The following UBE2G1 variants were observed in gnomAD, a reference collection of about 807,000 sequenced individuals.
UBE2G1 encodes ubiquitin conjugating enzyme E2 G1.
In UBE2G1, 5 loss-of-function variants were observed where a neutral mutation model predicts 22.7. That is an observed-to-expected ratio of 0.22 (90% CI 0.12 to 0.46). The LOEUF is 0.46. UBE2G1 is among the 20% of genes least tolerant of loss of function. The pLI is 0.99. For missense variants in UBE2G1, 88 were observed against 203.9 expected (o/e 0.43, Z 3.46); for synonymous variants, 74 against 67.5 (o/e 1.10, Z -0.47).
At chr17:4,303,195 T>C (rs1161668211) in intron 2 of UBE2G1, among the ~76,000 whole-genome samples, 1 of 152,208 alleles carries the variant, frequency 6.6e-6, no homozygotes, top group Non-Finnish European at 1.5e-5. Flanking sequence ...ACTATGTGGT[T>C]ATGTGGACTG....
At position 4,307,703 on chromosome 17, in the gene UBE2G1, G is replaced by T. The variant is rs1598188366; in HGVS notation, c.47-580C>A. On this transcript the variant is annotated intron_variant, in intron 1 of 5. Coordinates refer to ENST00000396981, the MANE Select transcript of UBE2G1 (RefSeq NM_003342.5). The stretch of plus-strand genomic sequence containing the variant: ...GGCCCCATATGTCTTGTCTGTATAT[G>T]TCGACCCTCTGAGAGCCACAGCTTC... Among the ~76,000 whole-genome samples the T allele has an allele frequency of 6.6e-5, 10 of 152,268 alleles. 2 individuals carry two copies. Among genetic ancestry groups the T allele is most frequent in the Admixed American group, 6.5e-4 (10 of 15,292 alleles).
At chr17:4,316,938 TAAA>T (rs33950725) in intron 1 of UBE2G1, among the ~76,000 whole-genome samples, 237 of 134,278 alleles carry the variant, frequency 1.8e-3, no homozygotes, top group South Asian at 2.7e-3. Flanking sequence ...GTCTCTTGAA[TAAA>T]AAAAAAAAAA....
intron 1 of UBE2G1, among the ~76,000 whole-genome samples, chr17:4,342,705 T>G (rs1278506036): frequency 6.6e-6 from 1 of 152,230 alleles, no homozygotes; most frequent in African/African-American, 2.4e-5. Context: ...TCATGTCTCA[T>G]CTGACTCTCC....
At chr17:4,289,087 TAAG>T (rs1969004110) in intron 4 of UBE2G1, 140 bp downstream of exon 4, 1 of 602,662 alleles carries the variant, frequency 1.7e-6, no homozygotes, top group South Asian at 8.1e-5. Flanking sequence ...TTGTCAAAAA[TAAG>T]AACTATGGGA....
intron 2 of UBE2G1, chr17:4,301,373 G>A (rs1969177954): frequency 5.5e-6 from 3 of 542,984 alleles, no homozygotes; most frequent in South Asian, 3.4e-5. Context: ...AGAAAGCATG[G>A]GTGCTGCTGG....
At position 4,366,648 on chromosome 17, in the gene UBE2G1, G is replaced by A. The variant is rs1162030649; in HGVS notation, c.-332C>T. 3 of 248,268 alleles carry A rather than the reference G, an allele frequency of 1.2e-5. No individual in the cohort carries two copies. The highest frequency in any genetic ancestry group is 2.3e-5 in the Non-Finnish European group (3 of 128,710). 15.4% of individuals were successfully genotyped at this position (248,268 alleles called of 1,614,324 possible). A position where few individuals can be genotyped will look rare whatever the true frequency, so the allele number is the denominator to read the frequency against. Reference sequence around the variant, plus strand: ...CCCGCCACTGCCTCACTGCGCGCAGGGCCGCTCGGCGCAGGCGCGCTGAGA... The same window carrying A: ...CCCGCCACTGCCTCACTGCGCGCAGAGCCGCTCGGCGCAGGCGCGCTGAGA... On this transcript the variant is annotated 5_prime_UTR_variant, in exon 1 of 6. Coordinates refer to ENST00000396981, the MANE Select transcript of UBE2G1 (RefSeq NM_003342.5).
intron 1 of UBE2G1, among the ~76,000 whole-genome samples, chr17:4,352,486 T>G (rs1391428894): frequency 6.6e-6 from 1 of 152,230 alleles, no homozygotes; most frequent in Non-Finnish European, 1.5e-5. Flanking sequence ...TATTCTCTTT[T>G]GGAAACTACG....
At chr17:4,331,587 T>G (rs945191340) in intron 1 of UBE2G1, among the ~76,000 whole-genome samples, 1 of 152,186 alleles carries the variant, frequency 6.6e-6, no homozygotes, top group South Asian at 2.1e-4. Context: ...TGCGGGCACA[T>G]GTGCTTATCT....
At chr17:4,307,242 C>T (rs1464128803) in intron 1 of UBE2G1, 119 bp from the exon 2 acceptor site, 6 of 824,102 alleles carry the variant, frequency 7.3e-6, no homozygotes, top group Middle Eastern at 3.9e-4. Flanking sequence ...AATAGATATA[C>T]CTTGCCAGGC....
intron 1 of UBE2G1, among the ~76,000 whole-genome samples, chr17:4,341,668 C>CT (rs1195035430): frequency 6.6e-6 from 1 of 152,180 alleles, no homozygotes; most frequent in Non-Finnish European, 1.5e-5. Context: ...CACGGTACAA[C>CT]TTTAAGAGTT....
intron 1 of UBE2G1, among the ~76,000 whole-genome samples, chr17:4,326,512 A>G (rs1969505438): frequency 1.3e-5 from 2 of 152,190 alleles, no homozygotes; most frequent in Admixed American, 1.3e-4. Flanking sequence ...AACCATTGTG[A>G]AAGGCGGCAT....
chr17:4,343,824 T>C (rs1969738632), intron 1 of UBE2G1, among the ~76,000 whole-genome samples: 1 of 152,012 alleles, frequency 6.6e-6, no homozygotes, highest in Admixed American at 6.6e-5. Context: ...CCTGACCTCA[T>C]GATCCGCCCG....
intron 1 of UBE2G1, among the ~76,000 whole-genome samples, chr17:4,309,873 T>C (rs1969288853): frequency 6.6e-6 from 1 of 152,200 alleles, no homozygotes; most frequent in African/African-American, 2.4e-5. Flanking sequence ...CCTTACACTT[T>C]CCATAAAGCA....
intron 1 of UBE2G1, among the ~76,000 whole-genome samples, chr17:4,358,816 T>C (rs1198878006): frequency 6.6e-6 from 1 of 152,174 alleles, no homozygotes; most frequent in African/African-American, 2.4e-5. Context: ...CTGGGTGTGG[T>C]GGCCCATGCC....
chr17:4,301,167 T>C (rs1194283993), intron 2 of UBE2G1, among the ~76,000 whole-genome samples: 5 of 152,208 alleles, frequency 3.3e-5, no homozygotes, highest in Non-Finnish European at 7.4e-5. Flanking sequence ...TATTAATCTA[T>C]AGTCCTGTTG....
chr17:4,278,191 C>T (rs558347796), intron 5 of UBE2G1, among the ~76,000 whole-genome samples: 31 of 152,220 alleles, frequency 2.0e-4, no homozygotes, highest in Non-Finnish European at 3.2e-4. Flanking sequence ...TGCGCCACCG[C>T]GCCCGGCCTA....
chr17:4,337,801 T>C (rs1297167886), intron 1 of UBE2G1, among the ~76,000 whole-genome samples: 1 of 151,688 alleles, frequency 6.6e-6, no homozygotes, highest in Non-Finnish European at 1.5e-5. Context: ...GGTTAGAAAA[T>C]AAACATTTAA....
intron 3 of UBE2G1, among the ~76,000 whole-genome samples, chr17:4,293,400 C>T (rs181881373): frequency 2.0e-5 from 3 of 152,212 alleles, no homozygotes; most frequent in Non-Finnish European, 4.4e-5. Flanking sequence ...TATGGGTCCA[C>T]ATTTTGTTTT....
intron 1 of UBE2G1, among the ~76,000 whole-genome samples, chr17:4,347,828 T>C (rs1412640213): frequency 6.6e-6 from 1 of 152,088 alleles, no homozygotes; most frequent in Non-Finnish European, 1.5e-5. Flanking sequence ...TCAGTGATCT[T>C]TGGTTTTTCT....
Sources: allele counts gnomAD v4.1 joint callset (sites outside exome capture counted in the v4.1 genomes callset), GRCh38; gene constraint gnomAD v4.1.1; transcripts MANE v1.5; gene names NCBI Gene and HGNC (gene_info 2026-07-23, HGNC 2026-07-21).